KRT6A: variants seen among roughly 807,000 people sequenced by gnomAD.
KRT6A encodes keratin 6A.
A neutral mutation model predicts 48.6 loss-of-function variants in KRT6A; 28 were observed. That is an observed-to-expected ratio of 0.58 (90% CI 0.43 to 0.79). KRT6A has a LOEUF of 0.79. Ranked by LOEUF, KRT6A falls within the 30% of genes least tolerant of loss-of-function variation. The pLI, the probability that KRT6A is intolerant of heterozygous loss-of-function variation, is 0.00. For synonymous variants in KRT6A, 301 were observed against 294.2 expected (o/e 1.02, Z -0.24); for missense variants, 687 against 724.3 (o/e 0.95, Z 0.59).
chr12:52,490,793 C>A (rs1938246346), intron 4 of KRT6A, 60 bp from the exon 5 acceptor site: 6 of 1,614,076 alleles, frequency 3.7e-6, no homozygotes, highest in South Asian at 1.1e-5. Flanking sequence ...GATACCCAAC[C>A]CTATACATCT....
chr12:52,493,220 G>T lies in KRT6A; in HGVS notation c.-32C>A, dbSNP rs1300917629. The T allele has an allele frequency of 6.2e-7, 1 of 1,613,974 alleles. No individual in the cohort carries two copies. Among genetic ancestry groups the T allele is most frequent in the Admixed American group, 1.7e-5 (1 of 60,004 alleles). Reference sequence around the variant, plus strand: ...AGGAGATGAGAGAGCTGAGGAGAGTGTGAGAGGCTGGAGGAGAGAGGGAAG... The same window carrying T: ...AGGAGATGAGAGAGCTGAGGAGAGTTTGAGAGGCTGGAGGAGAGAGGGAAG... On this transcript the variant is annotated 5_prime_UTR_variant, in exon 1 of 9. Coordinates refer to ENST00000330722, the MANE Select transcript of KRT6A (RefSeq NM_005554.4).
intron 8 of KRT6A, 22 bp from the exon 9 acceptor site, chr12:52,487,977 G>A (rs1938178715): frequency 6.2e-7 from 1 of 1,614,154 alleles, no homozygotes; most frequent in Admixed American, 1.7e-5. Flanking sequence ...AGGGGACAAG[G>A]ACACAAGAAG....
intron 1 of KRT6A, 150 bp from the exon 2 acceptor site, chr12:52,491,886 A>AC (rs1938273306): frequency 9.7e-7 from 1 of 1,029,630 alleles, no homozygotes; most frequent in African/African-American, 1.6e-5. Context: ...TGCTCCCCCA[A>AC]CCCCTTCTCC....
At chr12:52,488,020 A>T (rs371462595) in intron 8 of KRT6A, 49 bp downstream of exon 8, 1 of 1,614,074 alleles carries the variant, frequency 6.2e-7, no homozygotes, top group African/African-American at 1.3e-5. Flanking sequence ...GCCTGAGCCC[A>T]GTCAGAAGAG....
At position 52,492,965 on chromosome 12, in the gene KRT6A, C is replaced by T; in HGVS notation, c.224G>A (p.Gly75Asp). 1 of 1,610,214 alleles carries T rather than the reference C, an allele frequency of 6.2e-7. No individual in the cohort carries two copies. The highest frequency in any genetic ancestry group is 1.1e-5 in the South Asian group (1 of 90,844). ...ATAGCCGCCACTGATGGCACAGCTG[C>T]CCCCTCCAATGGAGATCCTCTTGGA... ...GGSKRISIGG[G>D]SCAISGGYGS... Residue 75 changes from glycine (G) to aspartate (D), a missense_variant, in exon 1 of 9, where the codon GGC (glycine) becomes GAC (aspartate). Physicochemically the swap from Gly to Asp is moderately conservative, Grantham distance 94. Around this residue, in one of 3 missense-constraint regions of KRT6A, gnomAD observed 49 missense variants for 97.3 expected, o/e 0.50. Coordinates refer to ENST00000330722, the MANE Select transcript of KRT6A (RefSeq NM_005554.4).
At position 52,488,402 on chromosome 12, in the gene KRT6A, C is replaced by T; in HGVS notation, c.1350G>A (p.Glu450=). The T allele has an allele frequency of 6.2e-7, 1 of 1,614,160 alleles. No homozygotes were observed. The highest frequency in any genetic ancestry group is 8.5e-7 in the Non-Finnish European group (1 of 1,180,028). ...DLARLLKEYQ[E]LMNVKLALDV... ...CCAGGGCCAGCTTGACATTCATCAG[C>T]TCCTGGTACTCCTTCAGCAGCCGGG... The change falls in exon 7 of 9, where the codon GAG becomes GAA. Residue 450 remains glutamate (E), a synonymous_variant. Coordinates refer to ENST00000330722, the MANE Select transcript of KRT6A (RefSeq NM_005554.4).
chr12:52,488,123 G>C lies in KRT6A; in HGVS notation c.1425-20C>G. 1 of 1,614,020 alleles carries C rather than the reference G, an allele frequency of 6.2e-7. No individual in the cohort carries two copies. The highest frequency in any genetic ancestry group is 8.5e-7 in the Non-Finnish European group (1 of 1,179,882). The stretch of plus-strand genomic sequence containing the variant: ...TTCAGCCTGTGGAGAGGAACACAGG[G>C]AGGGTGAGACCTCAGAGAGCTCTTC... On this transcript the variant is annotated intron_variant, in intron 7 of 8. Transcript: ENST00000330722.
chr12:52,490,720 A>G lies in KRT6A; in HGVS notation c.926T>C (p.Met309Thr). 6.2e-7 allele frequency: 1 copy of G among 1,614,248 alleles called. No homozygotes were observed. The highest frequency in any genetic ancestry group is 1.3e-5 in the African/African-American group (1 of 75,062). Residue 309 changes from methionine (M) to threonine (T), a missense_variant, in exon 5 of 9, where the codon ATG (methionine) becomes ACG (threonine). Transcript: ENST00000330722. Reference sequence around the variant, plus strand: ...AGATGTGTCTGAGATGTGGGTCTGCATCTGGGACAGCTCCTGCAGAACAGA... The same window carrying G: ...AGATGTGTCTGAGATGTGGGTCTGCGTCTGGGACAGCTCCTGCAGAACAGA... The part of the protein sequence containing the change: ...RALYDAELSQ[M>T]QTHISDTSVV...
At chr12:52,489,508 T>G (rs1938215265) in intron 6 of KRT6A, among the ~76,000 whole-genome samples, 1 of 152,172 alleles carries the variant, frequency 6.6e-6, no homozygotes, top group Admixed American at 6.5e-5. Context: ...CTCTCACTCC[T>G]GACCTCATGA....
chr12:52,489,679 G>A (rs1938221107), intron 6 of KRT6A, among the ~76,000 whole-genome samples: 1 of 152,164 alleles, frequency 6.6e-6, no homozygotes, highest in East Asian at 1.9e-4. Flanking sequence ...CTGTGGTCCA[G>A]GGAAGCCAAA....
chr12:52,489,848 A>G, intron 6 of KRT6A, 95 bp downstream of exon 6: 1 of 1,599,446 alleles, frequency 6.3e-7, no homozygotes, highest in Non-Finnish European at 8.5e-7. Flanking sequence ...CCTGGTTTTG[A>G]TAAGTTCCAG....
At position 52,490,557 on chromosome 12, in the gene KRT6A, C is replaced by A. The variant is rs202135949; in HGVS notation, c.1077+12G>T. ...ACAGGGATTCCTCAGCGGCTGCCCA[C>A]TCCCTGCTCACCTTGGTCTGGTACC... On this transcript the variant is annotated intron_variant, in intron 5 of 8. Coordinates refer to ENST00000330722, the MANE Select transcript of KRT6A (RefSeq NM_005554.4). The A allele has an allele frequency of 9.0e-5, 145 of 1,614,234 alleles. No homozygotes were observed. In the African/African-American group the frequency reaches 1.9e-3, roughly 21 times the overall value.
intron 7 of KRT6A, 33 bp from the exon 8 acceptor site, chr12:52,488,136 C>T: frequency 6.2e-7 from 1 of 1,613,980 alleles, no homozygotes; most frequent in Non-Finnish European, 8.5e-7. Context: ...GGTGAGACCT[C>T]AGAGAGCTCT....
intron 6 of KRT6A, 154 bp downstream of exon 6, chr12:52,489,789 T>C (rs1193403207): frequency 5.6e-6 from 7 of 1,247,882 alleles, no homozygotes; most frequent in Admixed American, 4.0e-5. Context: ...GATCTATGTC[T>C]CCTAAGCAGC....
At chr12:52,489,776 T>G (rs1164599483) in intron 6 of KRT6A, 167 bp downstream of exon 6, 3 of 1,113,802 alleles carry the variant, frequency 2.7e-6, no homozygotes, top group Non-Finnish European at 4.0e-6. Flanking sequence ...ATGCCATAGG[T>G]AGGATCTATG....
At position 52,492,748 on chromosome 12, in the gene KRT6A, G is replaced by C; in HGVS notation, c.441C>G (p.Pro147=). 1 of 1,613,852 alleles carries C rather than the reference G, an allele frequency of 6.2e-7. No homozygotes were observed. The highest frequency in any genetic ancestry group is 8.5e-7 in the Non-Finnish European group (1 of 1,179,932). The change falls in exon 1 of 9, where the codon CCC becomes CCG. Residue 147 remains proline, a synonymous_variant. Coordinates refer to ENST00000330722, the MANE Select transcript of KRT6A (RefSeq NM_005554.4). ...TGGTGGGATCGATTTGCAGGTTGAGGGGAGTCAGGAGACTCTGGTTGACGG... is the reference window on the plus strand; with the variant it reads ...TGGTGGGATCGATTTGCAGGTTGAGCGGAGTCAGGAGACTCTGGTTGACGG... ...EVTVNQSLLT[P]LNLQIDPTIQ... is the part of the protein sequence containing the mutation.
rs372218481 is a variant in KRT6A, at chr12:52,488,079, T to C, written c.1449A>G (p.Gln483=). ...AGCAAAGGTACTTACAGATGTTGAC[T>C]TGTCCAACGCCTTCGCCATTCAGCC... ...ECRLNGEGVG[Q]VNISVVQSTV... Residue 483 remains glutamine (Q), a synonymous_variant, in exon 8 of 9, where the codon CAA becomes CAG. Transcript: ENST00000330722. 193 of 1,613,988 alleles carry C rather than the reference T, an allele frequency of 1.2e-4. 1 individual carries two copies. Among genetic ancestry groups the C allele is most frequent in the Admixed American group, 4.2e-4 (25 of 60,018 alleles).
intron 4 of KRT6A, 31 bp downstream of exon 4, chr12:52,490,827 G>C (rs757511153): frequency 1.5e-5 from 25 of 1,614,098 alleles, no homozygotes; most frequent in Non-Finnish European, 2.1e-5. Context: ...GACCCCATCA[G>C]AGTAAACAGA....
At chr12:52,488,662 G>A (rs1326654037) in intron 6 of KRT6A, 114 bp from the exon 7 acceptor site, 3 of 1,316,530 alleles carry the variant, frequency 2.3e-6, no homozygotes, top group African/African-American at 3.0e-5. Context: ...TGGTGAATGA[G>A]CTCTGACTCT....
Sources: allele counts gnomAD v4.1 joint callset (sites outside exome capture counted in the v4.1 genomes callset), GRCh38; gene constraint gnomAD v4.1.1; regional missense constraint gnomAD v4.1.1; transcripts MANE v1.5; gene names NCBI Gene and HGNC (gene_info 2026-07-23, HGNC 2026-07-21).